Variants in CNN3 observed in about 807,000 individuals in gnomAD.
The protein encoded by CNN3 is calponin 3, also known as calponin-3.
CNN3 carries 11 observed loss-of-function variants against 39.0 expected under a neutral mutation model. That is an observed-to-expected ratio of 0.28 (90% confidence interval 0.18 to 0.47). The LOEUF (loss-of-function observed/expected upper bound fraction) is 0.47. Ranked by LOEUF, CNN3 falls within the 20% of genes least tolerant of loss-of-function variation. CNN3 has a pLI of 0.99. For synonymous variants in CNN3, 101 were observed against 138.3 expected (o/e 0.73, Z 1.89); for missense variants, 266 against 403.4 (o/e 0.66, Z 2.92).
At chr1:94,906,321 G>A (rs1238246663) in intron 1 of CNN3, among the ~76,000 whole-genome samples, 1 of 152,152 alleles carries the variant, frequency 6.6e-6, no homozygotes, top group Admixed American at 6.5e-5. Flanking sequence ...TTTTACACTG[G>A]GGTCTTGTTC....
chr1:94,914,778 G>T (rs979711731), intron 1 of CNN3, among the ~76,000 whole-genome samples: 1 of 152,206 alleles, frequency 6.6e-6, no homozygotes, highest in African/African-American at 2.4e-5. Flanking sequence ...GATAGATGCT[G>T]ATGGAATCTT....
intron 1 of CNN3, among the ~76,000 whole-genome samples, chr1:94,906,825 A>G (rs1012792269): frequency 5.9e-4 from 90 of 152,224 alleles, no homozygotes; most frequent in African/African-American, 2.0e-3. Context: ...AATGACATCA[A>G]TTAATATTTA....
In CNN3 at chr1:94,903,510, A is replaced by G. The variant is rs1187265500; in HGVS notation, c.72T>C (p.Tyr24=). ...GAAGATCTTCTTCTGCCTGATGATC[A>G]TACTTGGAAGCAATCTGAAATACAG... ...AEVKNKIASK[Y]DHQAEEDLRN... Residue 24 remains tyrosine, a synonymous_variant, in exon 2 of 7, where the codon TAT becomes TAC. Coordinates refer to ENST00000370206, the MANE Select transcript of CNN3 (RefSeq NM_001839.5). 2.5e-6 allele frequency: 4 copies of G among 1,614,036 alleles called. No homozygotes were observed. The highest frequency in any genetic ancestry group is 3.3e-4 in the Middle Eastern group (2 of 6,062).
chr1:94,899,273 C>T (rs1388250192), intron 6 of CNN3, 98 bp downstream of exon 6: 2 of 1,293,974 alleles, frequency 1.5e-6, no homozygotes, highest in East Asian at 2.6e-5. Flanking sequence ...AAGGAATATA[C>T]TCTAAATAAA....
At chr1:94,910,168 C>T (rs1671121481) in intron 1 of CNN3, among the ~76,000 whole-genome samples, 1 of 152,142 alleles carries the variant, frequency 6.6e-6, no homozygotes, top group Non-Finnish European at 1.5e-5. Context: ...TAAGTAAACT[C>T]GTATTCAACA....
intron 1 of CNN3, among the ~76,000 whole-genome samples, chr1:94,905,032 C>T (rs565220669): frequency 3.9e-5 from 6 of 152,246 alleles, no homozygotes; most frequent in East Asian, 3.9e-4. Flanking sequence ...ACACCACTCA[C>T]GGAGGAACCA....
intron 1 of CNN3, among the ~76,000 whole-genome samples, chr1:94,905,625 T>C (rs1338221736): frequency 2.6e-5 from 4 of 152,268 alleles, no homozygotes; most frequent in African/African-American, 7.2e-5. Flanking sequence ...ATTTGAACTG[T>C]AGATTTACTT....
chr1:94,919,352 A>C (rs1671381889), intron 1 of CNN3, among the ~76,000 whole-genome samples: 1 of 152,168 alleles, frequency 6.6e-6, no homozygotes, highest in South Asian at 2.1e-4. Flanking sequence ...ATGTACATAT[A>C]ATTTCTACAC....
chr1:94,910,774 C>A (rs1671139105), intron 1 of CNN3, among the ~76,000 whole-genome samples: 1 of 152,188 alleles, frequency 6.6e-6, no homozygotes, highest in Admixed American at 6.5e-5. Context: ...CACCGCAATA[C>A]CTGACACACA....
intron 1 of CNN3, among the ~76,000 whole-genome samples, chr1:94,904,158 C>G (rs1670940372): frequency 6.6e-6 from 1 of 152,082 alleles, no homozygotes; most frequent in South Asian, 2.1e-4. Context: ...TTCTTAGTAT[C>G]TAGAATTGAA....
intron 1 of CNN3, among the ~76,000 whole-genome samples, chr1:94,919,058 G>C (rs879596457): frequency 1.4e-4 from 22 of 152,118 alleles, no homozygotes; most frequent in Non-Finnish European, 2.9e-4. Flanking sequence ...AGAAGAAAAA[G>C]AAGGGGGGGA....
At chr1:94,899,678 CAAGTGCTAACTTTAAAAAGAAAATTTT>C (rs1247763831) in intron 5 of CNN3, among the ~76,000 whole-genome samples, 161 bp from the exon 6 acceptor site, 2 of 142,150 alleles carry the variant, frequency 1.4e-5, no homozygotes, top group Non-Finnish European at 3.1e-5. Flanking sequence ...AAACAAATTT[CAAGTGCTAACTTTAAAAAGAAAATTTT>C]AAAGTCACTA....
intron 1 of CNN3, among the ~76,000 whole-genome samples, chr1:94,915,065 T>C (rs1671249660): frequency 6.6e-6 from 1 of 152,204 alleles, no homozygotes; most frequent in African/African-American, 2.4e-5. Context: ...AAATGTTTTG[T>C]AGAGATGGGG....
In CNN3 at chr1:94,901,661, T is replaced by A. The variant is rs749524082; in HGVS notation, c.501+8A>T. 1.8e-5 allele frequency: 29 copies of A among 1,588,530 alleles called. No homozygotes were observed. The highest frequency in any genetic ancestry group is 2.3e-5 in the Non-Finnish European group (27 of 1,156,888). ...AAGTAATTGAATAAGCAACACCACA[T>A]TACTTACCTGCAGACCAATTACACT... On this transcript the variant is annotated splice_region_variant and intron_variant, in intron 5 of 6. Transcript: ENST00000370206.
intron 1 of CNN3, among the ~76,000 whole-genome samples, chr1:94,903,842 T>A (rs1670932524): frequency 6.6e-6 from 1 of 152,220 alleles, no homozygotes; most frequent in Non-Finnish European, 1.5e-5. Flanking sequence ...TGTTACAATA[T>A]GGCACTCAAA....
chr1:94,905,895 T>C (rs1361422438), intron 1 of CNN3, among the ~76,000 whole-genome samples: 2 of 152,102 alleles, frequency 1.3e-5, no homozygotes, highest in African/African-American at 4.8e-5. Flanking sequence ...ATAAATATTC[T>C]TGGATAATAT....
chr1:94,903,261 C>A, intron 2 of CNN3, 73 bp from the exon 3 acceptor site: 3 of 1,574,984 alleles, frequency 1.9e-6, no homozygotes, highest in Non-Finnish European at 2.6e-6. Context: ...CAAGTTGCTC[C>A]CTTTAGCATC....
chr1:94,917,364 C>G (rs1671312118), intron 1 of CNN3, among the ~76,000 whole-genome samples: 1 of 152,028 alleles, frequency 6.6e-6, no homozygotes, highest in Non-Finnish European at 1.5e-5. Flanking sequence ...AAACTATTAT[C>G]AAATAATTTG....
intron 1 of CNN3, among the ~76,000 whole-genome samples, chr1:94,917,537 C>T (rs1315762185): frequency 1.3e-5 from 2 of 152,130 alleles, no homozygotes; most frequent in East Asian, 1.9e-4. Flanking sequence ...GATCCTCCTC[C>T]TCTTTCTTAC....
Sources: allele counts gnomAD v4.1 joint callset (sites outside exome capture counted in the v4.1 genomes callset), GRCh38; gene constraint gnomAD v4.1.1; transcripts MANE v1.5; gene names NCBI Gene and HGNC (gene_info 2026-07-23, HGNC 2026-07-21).